Variants in ARHGAP19 observed in about 807,000 individuals in gnomAD.
ARHGAP19 encodes Rho GTPase activating protein 19, also known as rho GTPase-activating protein 19.
ARHGAP19 carries 48 observed loss-of-function variants against 60.9 expected under a neutral mutation model. The observed-to-expected ratio is 0.79, with a 90% CI of 0.62 to 1.00. The LOEUF is 1.00. Ranked by LOEUF, ARHGAP19 falls within the 50% of genes least tolerant of loss-of-function variation. The probability of loss-of-function intolerance (pLI) is 0.00; values close to 1 mark genes in which losing one functional copy is unlikely to be tolerated. For missense variants in ARHGAP19, 562 were observed against 597.2 expected (o/e 0.94, Z 0.61); for synonymous variants, 209 against 215.5 (o/e 0.97, Z 0.27).
At chr10:97,242,377 A>G (rs1445153931) in intron 8 of ARHGAP19, among the ~76,000 whole-genome samples, 1 of 113,154 alleles carries the variant, frequency 8.8e-6, no homozygotes, top group African/African-American at 3.6e-5. Flanking sequence ...CTTGTTGCCC[A>G]GGCTGGAGTG....
chr10:97,230,246 G>T (rs1003142499), intron 9 of ARHGAP19, among the ~76,000 whole-genome samples: 1 of 152,086 alleles, frequency 6.6e-6, no homozygotes, highest in Non-Finnish European at 1.5e-5. Flanking sequence ...AAGATGTGCT[G>T]TCTCTGGCAA....
intron 8 of ARHGAP19, among the ~76,000 whole-genome samples, chr10:97,241,180 G>A (rs748280631): frequency 2.2e-4 from 33 of 151,952 alleles, no homozygotes; most frequent in African/African-American, 7.5e-4. Context: ...AACATTAGCC[G>A]GGCATGGTGG....
intron 1 of ARHGAP19, chr10:97,270,533 C>G: frequency 7.7e-7 from 1 of 1,298,158 alleles, no homozygotes; most frequent in South Asian, 1.4e-5. Context: ...TAAGCAAAAA[C>G]AACTTTCTAC....
chr10:97,247,324 G>GA, intron 6 of ARHGAP19, among the ~76,000 whole-genome samples: 1 of 152,038 alleles, frequency 6.6e-6, no homozygotes, highest in South Asian at 2.1e-4. Context: ...AAGAAAGAAA[G>GA]AAATACCATT....
chr10:97,231,027 AGCCTGC>A, intron 9 of ARHGAP19, among the ~76,000 whole-genome samples: 2 of 21,068 alleles, frequency 9.5e-5, no homozygotes, highest in African/African-American at 1.6e-4. Context: ...ACTGCACTCC[AGCCTGC>A]ACACCTAGTG....
chr10:97,233,459 C>T (rs1851064542), intron 9 of ARHGAP19, among the ~76,000 whole-genome samples: 1 of 152,056 alleles, frequency 6.6e-6, no homozygotes, highest in Non-Finnish European at 1.5e-5. Flanking sequence ...ATCTTAATAA[C>T]AAAGTAATTT....
intron 6 of ARHGAP19, among the ~76,000 whole-genome samples, chr10:97,247,154 C>CA (rs985959496): frequency 3.3e-5 from 5 of 149,798 alleles, no homozygotes; most frequent in Non-Finnish European, 7.4e-5. Context: ...AAAAAAATTA[C>CA]AAAAAAATTA....
At chr10:97,259,771 C>A in intron 4 of ARHGAP19, 143 bp from the exon 5 acceptor site, 1 of 638,914 alleles carries the variant, frequency 1.6e-6, no homozygotes, top group Non-Finnish European at 2.8e-6. Context: ...AAGACTACAG[C>A]AAAACATAAT....
At chr10:97,241,776 G>A (rs532354296) in intron 8 of ARHGAP19, among the ~76,000 whole-genome samples, 53 of 152,128 alleles carry the variant, frequency 3.5e-4, no homozygotes, top group Admixed American at 9.8e-4. Flanking sequence ...TTGGGAGGCC[G>A]AGGTGGGCGG....
Position 97,266,074 on chromosome 10 carries a change from C to T in ARHGAP19, c.108G>A (p.Gln36=). 1.9e-6 allele frequency: 3 copies of T among 1,614,180 alleles called. No individual in the cohort carries two copies. The South Asian group carries it at 3.3e-5, about 18-fold the overall frequency. Residue 36 remains glutamine (Q), a synonymous_variant, in exon 2 of 12, where the codon CAG becomes CAA. Coordinates refer to ENST00000358531, the MANE Select transcript of ARHGAP19 (RefSeq NM_032900.6). ...AAAAGTCAGGATTAAAGATAATGGG[C>T]TGACCTCGAAGGGAAGAATCATTGC... ...VICNDSSLRG[Q]PIIFNPDFFV...
At chr10:97,290,870 G>C (rs1843221861) in intron 1 of ARHGAP19, among the ~76,000 whole-genome samples, 1 of 152,072 alleles carries the variant, frequency 6.6e-6, no homozygotes, top group African/African-American at 2.4e-5. Flanking sequence ...CAATTCAGCA[G>C]GAAGCAGTTA....
chr10:97,236,219 C>T (rs1842375879), intron 8 of ARHGAP19, among the ~76,000 whole-genome samples: 1 of 152,054 alleles, frequency 6.6e-6, no homozygotes, highest in African/African-American at 2.4e-5. Flanking sequence ...TCAAGTGATC[C>T]GCCCACCTCG....
At chr10:97,240,787 G>A (rs1438996714) in intron 8 of ARHGAP19, among the ~76,000 whole-genome samples, 3 of 152,198 alleles carry the variant, frequency 2.0e-5, no homozygotes, top group African/African-American at 2.4e-5. Context: ...TGGCCCAGAT[G>A]TAAGGGCTCA....
intron 10 of ARHGAP19, 135 bp from the exon 11 acceptor site, chr10:97,229,360 A>T (rs1850960713): frequency 1.3e-6 from 1 of 746,190 alleles, no homozygotes; most frequent in Admixed American, 2.4e-5. Flanking sequence ...ATATCTCATT[A>T]ATCTTAACTG....
At chr10:97,227,364 TATC>T (rs1850916923) in intron 11 of ARHGAP19, among the ~76,000 whole-genome samples, 1 of 152,226 alleles carries the variant, frequency 6.6e-6, no homozygotes, top group Admixed American at 6.5e-5. Context: ...TGGAAGTAGT[TATC>T]ATACAGAGAG....
intron 6 of ARHGAP19, among the ~76,000 whole-genome samples, chr10:97,253,476 C>T (rs1842716101): frequency 6.6e-6 from 1 of 151,694 alleles, no homozygotes; most frequent in South Asian, 2.1e-4. Context: ...GAATAGTTAC[C>T]AGATGCTGGG....
intron 5 of ARHGAP19, among the ~76,000 whole-genome samples, chr10:97,257,001 G>A (rs1424333167): frequency 6.6e-6 from 1 of 151,984 alleles, no homozygotes; most frequent in Non-Finnish European, 1.5e-5. Context: ...GGCGCCTGTA[G>A]TCCCAGCTAC....
chr10:97,226,239 T>C (rs556374995), intron 11 of ARHGAP19, 107 bp from the exon 12 acceptor site: 3 of 1,084,806 alleles, frequency 2.8e-6, no homozygotes, highest in Non-Finnish European at 4.1e-6. Context: ...TTCTCCAAAC[T>C]GAAGGCTAAT....
At chr10:97,270,802 G>T in intron 1 of ARHGAP19, 1 of 645,130 alleles carries the variant, frequency 1.6e-6, no homozygotes, top group Non-Finnish European at 2.4e-6. Context: ...GCACTCATCT[G>T]CAAGAAGGAA....
Sources: allele counts gnomAD v4.1 joint callset (sites outside exome capture counted in the v4.1 genomes callset), GRCh38; gene constraint gnomAD v4.1.1; transcripts MANE v1.5; gene names NCBI Gene and HGNC (gene_info 2026-07-23, HGNC 2026-07-21).